Variants in ZP3 observed in about 807,000 individuals in gnomAD.
ZP3 encodes the protein zona pellucida sperm-binding protein 3.
In ZP3, 21 loss-of-function variants were observed where a neutral mutation model predicts 35.6. The ratio of observed to expected loss-of-function variants is 0.59; its 90% CI spans 0.42 to 0.85. The LOEUF is 0.85. Ranked by LOEUF, ZP3 falls within the 40% of genes least tolerant of loss-of-function variation. ZP3 has a pLI of 0.00. For missense variants in ZP3, 437 were observed against 536.5 expected, an observed-to-expected ratio of 0.81 and a Z score of 1.83; for synonymous variants, 207 against 214.5, an observed-to-expected ratio of 0.96 and a Z score of 0.31.
chr7:76,425,182 T>G lies in ZP3; in HGVS notation c.218T>G (p.Leu73Trp). Residue 73 changes from leucine (L) to tryptophan (W), a missense_variant, in exon 1 of 8, where the codon TTG becomes TGG. This residue lies in a region of ZP3 where 352 missense variants were observed against 308.4 expected (regional missense o/e 1.14). Transcript: ENST00000394857. The part of the protein sequence containing the change: ...GKLIRAADLT[L>W]GPEACEPLVS... ...CTCATCAGGGCTGCTGACCTCACCTTGGGCCCAGAGGCCTGTGAGCCTCTG... is the reference window on the plus strand; with the variant it reads ...CTCATCAGGGCTGCTGACCTCACCTGGGGCCCAGAGGCCTGTGAGCCTCTG... The G allele has an allele frequency of 6.2e-7, 1 of 1,614,024 alleles. No individual in the cohort carries two copies. The highest frequency in any genetic ancestry group is 8.5e-7 in the Non-Finnish European group (1 of 1,180,028).
At chr7:76,425,403 GC>G in intron 1 of ZP3, 127 bp downstream of exon 1, 1 of 1,034,700 alleles carries the variant, frequency 9.7e-7, no homozygotes, top group Non-Finnish European at 1.4e-6. Flanking sequence ...TGGGGAGGTG[GC>G]CCAGTTGAGG....
At position 76,440,146 on chromosome 7, in the gene ZP3, C is replaced by A. The variant is rs139521092; in HGVS notation, c.832-104C>A. ...ATAGGTGTGTGCCAATGCACCCGGC[C>A]CCTTCTCACTCTTTAAAGGGTTGAG... On this transcript the variant is annotated intron_variant, in intron 5 of 7. Transcript: ENST00000394857. 8.0e-3 allele frequency: 11,764 copies of A among 1,476,824 alleles called. 555 individuals carry two copies. In the East Asian group the frequency reaches 0.12, roughly 15 times the overall value. The allele number at this position is 1,476,824 out of a possible 1,614,324, so 91.5% of individuals were successfully genotyped here. A position where few individuals can be genotyped will look rare whatever the true frequency, so the allele number is the denominator to read the frequency against.
rs201001737 is a variant in ZP3 at position 76,429,499 on chromosome 7, C to T, written c.313-16C>T. On this transcript the variant is annotated splice_polypyrimidine_tract_variant and intron_variant, in intron 1 of 7. Transcript: ENST00000394857. ...AGGTGATGGCCGGCAGCATTAACTT[C>T]TCACCTTTCCTCCAGGTAACTGACG... 6.8e-6 allele frequency: 11 copies of T among 1,612,912 alleles called. No individual in the cohort carries two copies. Among genetic ancestry groups the T allele is most frequent in the African/African-American group, 4.0e-5 (3 of 75,020 alleles).
chr7:76,406,832 A>G (rs1313033143), intron 1 of ZP3, among the ~76,000 whole-genome samples: 1 of 151,382 alleles, frequency 6.6e-6, no homozygotes, highest in Non-Finnish European at 1.5e-5. Context: ...TGGGCCGAGC[A>G]TTGTAAGCAG....
exon 1 of ZP3, chr7:76,397,566 C>T: frequency 6.2e-7 from 1 of 1,606,122 alleles, no homozygotes; most frequent in Non-Finnish European, 8.5e-7. Context: ...TTGTGCACAC[C>T]CCAGCCCAGG....
chr7:76,421,176 T>A (rs1353176504), upstream of ZP3, among the ~76,000 whole-genome samples: 3 of 152,146 alleles, frequency 2.0e-5, no homozygotes, highest in African/African-American at 7.2e-5. Context: ...CCTCGTGATC[T>A]GCTCGTCTCA....
chr7:76,433,091 C>T, intron 3 of ZP3, 61 bp downstream of exon 3: 2 of 1,244,324 alleles, frequency 1.6e-6, no homozygotes, highest in Non-Finnish European at 1.1e-6. Context: ...CAGACCCCTG[C>T]CCTTGGCTGT....
intron 2 of ZP3, 140 bp from the exon 3 acceptor site, chr7:76,432,787 T>G: frequency 1.5e-6 from 1 of 658,858 alleles, no homozygotes; most frequent in South Asian, 1.9e-5. Context: ...AGGTGTCTGT[T>G]CAGCCATCTC....
intron 7 of ZP3, among the ~76,000 whole-genome samples, chr7:76,440,974 C>T (rs1257651056): frequency 6.6e-6 from 1 of 152,034 alleles, no homozygotes; most frequent in Admixed American, 6.6e-5. Context: ...GAGTTCGAGA[C>T]CAGCCTGACC....
At chr7:76,412,962 C>CTTTTTTTTTTTTTTTTTTTTTT (rs201143080) in intron 1 of ZP3, among the ~76,000 whole-genome samples, 1 of 113,760 alleles carries the variant, frequency 8.8e-6, no homozygotes. Flanking sequence ...TCTTCTTCTT[C>CTTTTTTTTTTTTTTTTTTTTTT]TTCTTTTTTT....
At chr7:76,432,311 C>T (rs529478773) in intron 2 of ZP3, among the ~76,000 whole-genome samples, 2 of 152,164 alleles carry the variant, frequency 1.3e-5, no homozygotes, top group South Asian at 4.1e-4. Flanking sequence ...GCCTCAGCCT[C>T]CCAAGTAGCT....
intron 5 of ZP3, among the ~76,000 whole-genome samples, chr7:76,436,032 T>TCCC (rs1805993723): frequency 6.8e-4 from 12 of 17,770 alleles, no homozygotes; most frequent in African/African-American, 2.2e-3. Flanking sequence ...CCCGCCCCCT[T>TCCC]TTTTTTTTTT....
intron 1 of ZP3, among the ~76,000 whole-genome samples, chr7:76,402,855 TG>T (rs1199374703): frequency 6.6e-6 from 1 of 151,614 alleles, no homozygotes; most frequent in Non-Finnish European, 1.5e-5. Flanking sequence ...TTAGTAGAGA[TG>T]GGGTTTCTGC....
At chr7:76,419,212 AT>A (rs1287942817) in intron 1 of ZP3, among the ~76,000 whole-genome samples, 1 of 152,110 alleles carries the variant, frequency 6.6e-6, no homozygotes, top group Non-Finnish European at 1.5e-5. Flanking sequence ...CTTTTTCTTT[AT>A]GATTTGTGCA....
At chr7:76,407,973 G>A (rs185267628) in intron 1 of ZP3, among the ~76,000 whole-genome samples, 15 of 152,308 alleles carry the variant, frequency 9.8e-5, no homozygotes, top group Non-Finnish European at 1.5e-4. Flanking sequence ...AAGGAGAGAT[G>A]CGAAGGATAT....
At chr7:76,420,992 G>A (rs185721234), upstream of ZP3, among the ~76,000 whole-genome samples, 15 of 151,134 alleles carry the variant, frequency 9.9e-5, no homozygotes, top group Admixed American at 2.6e-4. Flanking sequence ...CTGGAGAGCA[G>A]TGGCACAATC....
At chr7:76,400,449 T>C in intron 1 of ZP3, 2 of 1,608,970 alleles carry the variant, frequency 1.2e-6, no homozygotes, top group South Asian at 2.2e-5. Context: ...GCACGGGCAG[T>C]GCCAGGCCAC....
In ZP3 at chr7:76,432,739, C is replaced by T. The variant is rs551612276; in HGVS notation, c.432-188C>T. Among the ~76,000 whole-genome samples the T allele has an allele frequency of 2.0e-5, 3 of 152,322 alleles. No individual in the cohort carries two copies. In the East Asian group the frequency reaches 5.8e-4, roughly 29 times the overall value. ...AGGATGGCTAGGCCACTCACAGGTGCAGAAGTTCAGGAGGGTGCAGGGGCA... is the reference window on the plus strand; with the variant it reads ...AGGATGGCTAGGCCACTCACAGGTGTAGAAGTTCAGGAGGGTGCAGGGGCA... On this transcript the variant is annotated intron_variant, in intron 2 of 7. Transcript: ENST00000394857.
rs1271510975 is a variant in ZP3, at chr7:76,405,339, C to CTTTCTTTCT, written c.-67+7545_-67+7546insCTTTCTTTT. 5.5e-3 allele frequency among the ~76,000 whole-genome samples: 117 copies of CTTTCTTTCT among 21,378 alleles called. 12 individuals carry two copies. The highest frequency in any genetic ancestry group is 0.013 in the African/African-American group (60 of 4,724). 14.0% of individuals were successfully genotyped at this position (21,378 alleles called of 152,430 possible). On this transcript the variant is annotated intron_variant, in intron 1 of 8. Transcript: ENST00000336517. ...TATGTATTTTTTTCTTTCTTTCTTTCTTTTTTTTTTTTTTTTTTTTTTGGT... is the reference window on the plus strand; with the variant it reads ...TATGTATTTTTTTCTTTCTTTCTTTCTTTCTTTCTTTTTTTTTTTTTTTTTTTTTTTGGT...
Sources: gnomAD v4.1 joint callset for allele counts (sites outside exome capture counted in the v4.1 genomes callset) on GRCh38, gnomAD v4.1.1 for gene constraint, gnomAD v4.1.1 regional missense constraint, MANE v1.5 for transcripts, NCBI Gene and HGNC (gene_info 2026-07-23, HGNC 2026-07-21) for gene names.